EPB41L4B: variants seen among roughly 807,000 people sequenced by gnomAD.
The protein encoded by EPB41L4B is erythrocyte membrane protein band 4.1 like 4B, also known as band 4.1-like protein 4B.
EPB41L4B carries 30 observed loss-of-function variants against 112.5 expected under a neutral mutation model. That is an observed-to-expected ratio of 0.27 (90% CI 0.20 to 0.36). The LOEUF is 0.36. Among genes scored for constraint, EPB41L4B ranks in the 10% least tolerant of loss-of-function variants. The pLI is 1.00. For missense variants in EPB41L4B, 1,024 were observed against 1,133.3 expected, an observed-to-expected ratio of 0.90 and a Z score of 1.38; for synonymous variants, 408 against 439.7, an observed-to-expected ratio of 0.93 and a Z score of 0.90.
intron 5 of EPB41L4B, 50 bp downstream of exon 5, chr9:109,264,930 A>G: frequency 6.8e-7 from 1 of 1,480,884 alleles, no homozygotes. Context: ...TTATTTTGAA[A>G]TACACTATGA....
rs1337541901 is a variant in EPB41L4B at position 109,320,338 on chromosome 9, G to A, written c.109C>T (p.Pro37Ser). 3 of 987,114 alleles carry A rather than the reference G, an allele frequency of 3.0e-6. No homozygotes were observed. Among genetic ancestry groups the A allele is most frequent in the East Asian group, 2.2e-4 (2 of 8,906 alleles). The allele number at this position is 987,114 out of a possible 1,614,324, so 61.1% of individuals were successfully genotyped here. A position where few individuals can be genotyped will look rare whatever the true frequency, so the allele number is the denominator to read the frequency against. The change falls in exon 1 of 26, where the codon CCA becomes TCA. Residue 37 changes from proline to serine, a missense_variant. Physicochemically the swap from Pro to Ser is moderately conservative, Grantham distance 74. Transcript: ENST00000374566. ...AGLGDERDGGPRGGPAAAASS... is the reference protein window; with the variant it reads ...AGLGDERDGGSRGGPAAAASS... ...GCGGCGGCGGCCGGGCCCCCCCGTG[G>A]CCCCCCATCGCGCTCGTCCCCCAGC...
intron 21 of EPB41L4B, 136 bp downstream of exon 21, chr9:109,194,084 G>T: frequency 2.2e-6 from 2 of 899,850 alleles, no homozygotes; most frequent in Non-Finnish European, 3.3e-6. Flanking sequence ...ACATGTTCTG[G>T]TTGTTGCTGT....
chr9:109,284,626 T>G (rs538544122), intron 1 of EPB41L4B, among the ~76,000 whole-genome samples: 1 of 152,294 alleles, frequency 6.6e-6, no homozygotes, highest in South Asian at 2.1e-4. Context: ...TTGCCCATGG[T>G]GGTCTTAAAC....
intron 2 of EPB41L4B, among the ~76,000 whole-genome samples, chr9:109,271,131 G>A (rs1176799787): frequency 6.6e-6 from 1 of 152,228 alleles, no homozygotes; most frequent in African/African-American, 2.4e-5. Flanking sequence ...CCTGTGGCTG[G>A]TGTGCATTCA....
At chr9:109,178,725 A>G in intron 24 of EPB41L4B, among the ~76,000 whole-genome samples, 1 of 152,048 alleles carries the variant, frequency 6.6e-6, no homozygotes, top group Middle Eastern at 3.2e-3. Context: ...TACAGGCATG[A>G]GCTACTGCAC....
chr9:109,179,171 T>C (rs919058422), intron 24 of EPB41L4B, among the ~76,000 whole-genome samples: 2 of 152,174 alleles, frequency 1.3e-5, no homozygotes, highest in African/African-American at 4.8e-5. Flanking sequence ...CGGCTGAGTA[T>C]GAGCAGAGAC....
At chr9:109,218,636 G>A (rs72761850) in intron 15 of EPB41L4B, among the ~76,000 whole-genome samples, 10,924 of 151,764 alleles carry the variant, frequency 0.072, 425 homozygotes, top group African/African-American at 0.089. Flanking sequence ...CCCGCCCCCA[G>A]TCTTGGCCCT....
At chr9:109,252,269 T>C (rs1198943036) in intron 12 of EPB41L4B, among the ~76,000 whole-genome samples, 2 of 152,194 alleles carry the variant, frequency 1.3e-5, no homozygotes, top group African/African-American at 4.8e-5. Flanking sequence ...AATTGTTCCT[T>C]ACACTGAGCT....
At chr9:109,277,242 T>G (rs915723359) in intron 2 of EPB41L4B, among the ~76,000 whole-genome samples, 2 of 142,918 alleles carry the variant, frequency 1.4e-5, no homozygotes, top group Non-Finnish European at 3.0e-5. Flanking sequence ...GAACCCTAAA[T>G]ATGGCATTCA....
intron 1 of EPB41L4B, among the ~76,000 whole-genome samples, chr9:109,310,529 G>T (rs935829138): frequency 6.6e-6 from 1 of 152,166 alleles, no homozygotes; most frequent in Non-Finnish European, 1.5e-5. Context: ...TCTAAAGAAT[G>T]TGCTGGACAG....
chr9:109,296,988 C>A (rs569792472), intron 1 of EPB41L4B, among the ~76,000 whole-genome samples: 1 of 152,028 alleles, frequency 6.6e-6, no homozygotes, highest in African/African-American at 2.4e-5. Flanking sequence ...AAAGTCCTAA[C>A]CCCGGTACCT....
At position 109,263,019 on chromosome 9, in the gene EPB41L4B, A is replaced by C. The variant is rs371527844; in HGVS notation, c.631+31T>G. 101 of 1,498,348 alleles carry C rather than the reference A, an allele frequency of 6.7e-5. No individual in the cohort carries two copies. In the African/African-American group the frequency reaches 1.4e-3, roughly 20 times the overall value. The allele number at this position is 1,498,348 out of a possible 1,614,324, so 92.8% of individuals were successfully genotyped here. ...GTTGAAATAAAAAGCAATAACATTA[A>C]AATGCTAATTACTACTAAAGATTAA... On this transcript the variant is annotated intron_variant, in intron 6 of 25. Coordinates refer to ENST00000374566, the MANE Select transcript of EPB41L4B (RefSeq NM_019114.5).
At chr9:109,309,299 T>C (rs1159883393) in intron 1 of EPB41L4B, among the ~76,000 whole-genome samples, 1 of 152,192 alleles carries the variant, frequency 6.6e-6, no homozygotes, top group Non-Finnish European at 1.5e-5. Context: ...ATAGATCCCG[T>C]AGTTGCTCTC....
chr9:109,283,600 G>A (rs572449549), intron 1 of EPB41L4B, among the ~76,000 whole-genome samples: 13 of 152,186 alleles, frequency 8.5e-5, no homozygotes, highest in African/African-American at 2.9e-4. Flanking sequence ...AAAAAACAAG[G>A]AAAATTTTAA....
intron 2 of EPB41L4B, among the ~76,000 whole-genome samples, chr9:109,273,372 G>A (rs368308530): frequency 2.6e-5 from 4 of 152,036 alleles, no homozygotes; most frequent in South Asian, 2.1e-4. Flanking sequence ...TCGGCCTCCC[G>A]AGTAGCTGGG....
Position 109,303,969 on chromosome 9 carries a change from C to CA in EPB41L4B, c.306+16171dup, listed in dbSNP as rs1373741072. On this transcript the variant is annotated intron_variant, in intron 1 of 25. Transcript: ENST00000374566. The stretch of plus-strand genomic sequence containing the variant: ...TGTCTTGGGAAAGGTATGTTATAAC[C>CA]AAAAAAAGAAAATTAAAATTTTTAA... 2.6e-5 allele frequency among the ~76,000 whole-genome samples: 4 copies of CA among 151,958 alleles called. No homozygotes were observed. In the East Asian group the frequency reaches 7.7e-4, roughly 29 times the overall value.
At chr9:109,240,217 T>G in intron 15 of EPB41L4B, 1 of 985,394 alleles carries the variant, frequency 1.0e-6, no homozygotes, top group Non-Finnish European at 1.2e-6. Flanking sequence ...ATCAATAAGA[T>G]GAAAAGATTC....
chr9:109,244,993 T>C (rs1834496306), intron 14 of EPB41L4B, among the ~76,000 whole-genome samples: 2 of 152,170 alleles, frequency 1.3e-5, no homozygotes, highest in Admixed American at 1.3e-4. Context: ...CTTTCCTTTC[T>C]CCTTCAAAGA....
At chr9:109,251,367 A>T (rs1834781516) in intron 13 of EPB41L4B, 114 bp downstream of exon 13, 5 of 1,039,986 alleles carry the variant, frequency 4.8e-6, no homozygotes, top group Non-Finnish European at 7.5e-6. Context: ...AAGGGGAAAA[A>T]AATTACCAGA....
Sources: allele counts gnomAD v4.1 joint callset (sites outside exome capture counted in the v4.1 genomes callset), GRCh38; gene constraint gnomAD v4.1.1; transcripts MANE v1.5; gene names NCBI Gene and HGNC (gene_info 2026-07-23, HGNC 2026-07-21).